Variants in ATXN7L1 observed in about 807,000 individuals in gnomAD.
The protein encoded by ATXN7L1 is ataxin-7-like protein 1.
A neutral mutation model predicts 70.8 loss-of-function variants in ATXN7L1; 15 were observed. The ratio of observed to expected loss-of-function variants is 0.21; its 90% CI spans 0.14 to 0.33. The LOEUF (loss-of-function observed/expected upper bound fraction) is 0.33, where lower values mean the gene tolerates loss of function less well. Among genes scored for constraint, ATXN7L1 ranks in the 10% least tolerant of loss-of-function variants. The pLI, the probability that ATXN7L1 is intolerant of heterozygous loss-of-function variation, is 1.00. For missense variants in ATXN7L1, 975 were observed against 1,097.1 expected (o/e 0.89, Z 1.57); for synonymous variants, 440 against 445.1 (o/e 0.99, Z 0.14).
intron 4 of ATXN7L1, among the ~76,000 whole-genome samples, chr7:105,651,830 A>T (rs988497657): frequency 2.2e-4 from 33 of 152,134 alleles, no homozygotes; most frequent in African/African-American, 7.7e-4. Context: ...ATCCTGAAGT[A>T]TGTTAGGCAT....
intron 3 of ATXN7L1, among the ~76,000 whole-genome samples, chr7:105,718,459 C>T (rs1396202002): frequency 2.0e-5 from 3 of 152,170 alleles, no homozygotes; most frequent in African/African-American, 7.2e-5. Flanking sequence ...TTAAGGAAGC[C>T]ACAACACAGC....
intron 3 of ATXN7L1, among the ~76,000 whole-genome samples, chr7:105,669,679 T>C (rs1183715640): frequency 6.6e-6 from 1 of 151,986 alleles, no homozygotes; most frequent in Non-Finnish European, 1.5e-5. Flanking sequence ...TCCCAGCACT[T>C]TGGGAGGCCA....
At chr7:105,711,747 G>A (rs78411253) in intron 3 of ATXN7L1, among the ~76,000 whole-genome samples, 11,653 of 152,248 alleles carry the variant, frequency 0.077, 513 homozygotes, top group South Asian at 0.14. Context: ...ACTTCCAGGC[G>A]CATGGTGCAA....
chr7:105,686,932 C>T (rs1392540138), intron 3 of ATXN7L1, among the ~76,000 whole-genome samples: 1 of 152,036 alleles, frequency 6.6e-6, no homozygotes, highest in Non-Finnish European at 1.5e-5. Flanking sequence ...TGAAGGGGCC[C>T]AGAAGGGAAG....
chr7:105,660,617 C>G (rs1239394422), intron 4 of ATXN7L1, among the ~76,000 whole-genome samples: 1 of 110,236 alleles, frequency 9.1e-6, no homozygotes, highest in African/African-American at 3.6e-5. Flanking sequence ...GAGTCTTGCT[C>G]TGTCGCCCAG....
intron 3 of ATXN7L1, among the ~76,000 whole-genome samples, chr7:105,740,688 T>A (rs985351829): frequency 4.6e-5 from 7 of 151,368 alleles, no homozygotes; most frequent in African/African-American, 1.5e-4. Flanking sequence ...CATAACAACA[T>A]CCACCTTAGC....
intron 3 of ATXN7L1, among the ~76,000 whole-genome samples, chr7:105,735,859 T>G (rs903391356): frequency 1.3e-5 from 2 of 152,244 alleles, no homozygotes; most frequent in Admixed American, 1.3e-4. Flanking sequence ...CATATATTAA[T>G]TAATCAAATC....
At chr7:105,706,180 TTTTTTG>T (rs1373486818) in intron 3 of ATXN7L1, among the ~76,000 whole-genome samples, 11 of 151,994 alleles carry the variant, frequency 7.2e-5, no homozygotes, top group African/African-American at 1.7e-4. Context: ...GTTGTTTTTG[TTTTTTG>T]TTTTTGTTTT....
chr7:105,840,336 C>T (rs1470691032), intron 2 of ATXN7L1, among the ~76,000 whole-genome samples: 6 of 152,148 alleles, frequency 3.9e-5, no homozygotes, highest in Non-Finnish European at 5.9e-5. Flanking sequence ...TCCTAGAGAA[C>T]GGGGGCTTGG....
At chr7:105,837,679 G>A (rs143647277) in intron 2 of ATXN7L1, among the ~76,000 whole-genome samples, 2 of 152,250 alleles carry the variant, frequency 1.3e-5, no homozygotes, top group East Asian at 3.9e-4. Flanking sequence ...GTGAACGCAT[G>A]AACAGGGAGC....
Position 105,624,194 on chromosome 7 carries a change from G to C in ATXN7L1, c.1276C>G (p.Pro426Ala). 1 of 1,528,832 alleles carries C rather than the reference G, an allele frequency of 6.5e-7. No individual in the cohort carries two copies. The highest frequency in any genetic ancestry group is 8.8e-7 in the Non-Finnish European group (1 of 1,134,136). The allele number at this position is 1,528,832 out of a possible 1,614,324, so 94.7% of individuals were successfully genotyped here. Residue 426 changes from proline (P) to alanine (A), a missense_variant, in exon 8 of 12, where the codon CCA becomes GCA. By Grantham distance (27) the Pro-to-Ala change is conservative. Coordinates refer to ENST00000419735, the MANE Select transcript of ATXN7L1 (RefSeq NM_020725.2). ...HSGHTPEPPL[P>A]PVGGDLASRL... Reference sequence around the variant, plus strand: ...CTGGCGAGGTCACCTCCAACCGGTGGGAGTGGGGGCTCTGGAGTGTGGCCG... The same window carrying C: ...CTGGCGAGGTCACCTCCAACCGGTGCGAGTGGGGGCTCTGGAGTGTGGCCG...
At chr7:105,702,554 A>G (rs1792582936) in intron 3 of ATXN7L1, among the ~76,000 whole-genome samples, 1 of 150,920 alleles carries the variant, frequency 6.6e-6, no homozygotes, top group Non-Finnish European at 1.5e-5. Context: ...CAACACACAC[A>G]CACACACACA....
chr7:105,641,717 G>A (rs1584470571), intron 5 of ATXN7L1, among the ~76,000 whole-genome samples: 1 of 152,376 alleles, frequency 6.6e-6, no homozygotes, highest in East Asian at 1.9e-4. Flanking sequence ...CCCGAACTGT[G>A]AGGCCCACAG....
At chr7:105,733,295 C>T (rs575866059) in intron 3 of ATXN7L1, among the ~76,000 whole-genome samples, 1 of 152,314 alleles carries the variant, frequency 6.6e-6, no homozygotes, top group African/African-American at 2.4e-5. Context: ...ATTGTATCCA[C>T]AATGCATTTG....
rs77135542 is a variant in ATXN7L1 at position 105,826,245 on chromosome 7, T to C, written c.251-37537A>G. Reference sequence around the variant, plus strand: ...GGGGGAAAAAAGCACATAAAAAGTTTAATAAGAACACTAGCCTGGAGAACT... The same window carrying C: ...GGGGGAAAAAAGCACATAAAAAGTTCAATAAGAACACTAGCCTGGAGAACT... On this transcript the variant is annotated intron_variant, in intron 2 of 11. Coordinates refer to ENST00000419735, the MANE Select transcript of ATXN7L1 (RefSeq NM_020725.2). 8.1e-4 allele frequency among the ~76,000 whole-genome samples: 123 copies of C among 152,208 alleles called. 1 individual carries two copies. The highest frequency in any genetic ancestry group is 1.6e-3 in the Admixed American group (24 of 15,288).
intron 2 of ATXN7L1, among the ~76,000 whole-genome samples, chr7:105,846,915 T>C (rs1049472413): frequency 6.6e-6 from 1 of 152,134 alleles, no homozygotes; most frequent in Non-Finnish European, 1.5e-5. Context: ...GGGCAATCCA[T>C]AGAGACAGAA....
chr7:105,722,345 T>C (rs10262426), intron 3 of ATXN7L1, among the ~76,000 whole-genome samples: 30,799 of 151,776 alleles, frequency 0.2, 3,349 homozygotes, highest in East Asian at 0.33. Flanking sequence ...GCAGATCACC[T>C]GAGGTCGGGA....
chr7:105,617,897 C>G (rs760640858), intron 9 of ATXN7L1: 1 of 456,444 alleles, frequency 2.2e-6, no homozygotes, highest in South Asian at 1.5e-5. Flanking sequence ...GTCTTCCACG[C>G]CCCCATCGGC....
intron 2 of ATXN7L1, among the ~76,000 whole-genome samples, chr7:105,847,272 A>G (rs1231120105): frequency 6.6e-6 from 1 of 152,152 alleles, no homozygotes; most frequent in Non-Finnish European, 1.5e-5. Context: ...TTGATGGGTG[A>G]GAACATTGGG....
Sources: gnomAD v4.1 joint callset for allele counts (sites outside exome capture counted in the v4.1 genomes callset) on GRCh38, gnomAD v4.1.1 for gene constraint, MANE v1.5 for transcripts, NCBI Gene and HGNC (gene_info 2026-07-23, HGNC 2026-07-21) for gene names.